The following AK2 variants were observed in gnomAD, a reference collection of about 807,000 sequenced individuals.
AK2 encodes adenylate kinase 2, mitochondrial.
In AK2, 15 loss-of-function variants were observed where a neutral mutation model predicts 24.6. That is an observed-to-expected ratio of 0.61 (90% confidence interval 0.41 to 0.94). AK2 has a LOEUF of 0.94. Among genes scored for constraint, AK2 ranks in the 40% least tolerant of loss-of-function variants. The pLI, the probability that AK2 is intolerant of heterozygous loss-of-function variation, is 0.00. For synonymous variants in AK2, 102 were observed against 114.0 expected (o/e 0.90, Z 0.67); for missense variants, 257 against 304.1 (o/e 0.85, Z 1.15).
Position 33,009,627 on chromosome 1 carries a change from G to A in AK2, c.*3554C>T. The A allele has an allele frequency of 2.2e-6, 1 of 454,126 alleles. No homozygotes were observed. Among genetic ancestry groups the A allele is most frequent in the Non-Finnish European group, 4.4e-6 (1 of 226,794 alleles). 28.1% of individuals were successfully genotyped at this position (454,126 alleles called of 1,614,324 possible). ...TAACCAACTTCCTTTTTCAGCTGAGGAAACAGGAGCACAGTGAATAACTAA... is the reference window on the plus strand; with the variant it reads ...TAACCAACTTCCTTTTTCAGCTGAGAAAACAGGAGCACAGTGAATAACTAA... On this transcript the variant is annotated 3_prime_UTR_variant, in exon 6 of 6. Coordinates refer to ENST00000672715, the MANE Select transcript of AK2 (RefSeq NM_001625.4).
intron 2 of AK2, chr1:33,024,225 G>T: frequency 1.6e-6 from 1 of 640,866 alleles, no homozygotes; most frequent in Non-Finnish European, 2.7e-6. Context: ...ACACCCTCTA[G>T]CACATGGTTG....
intron 1 of AK2, among the ~76,000 whole-genome samples, chr1:33,027,245 C>T (rs867865468): frequency 3.3e-5 from 5 of 152,230 alleles, no homozygotes; most frequent in Non-Finnish European, 4.4e-5. Flanking sequence ...CAATCTTTCT[C>T]ATTGCTGTTG....
In AK2 at chr1:33,010,540, C is replaced by G. The variant is rs1239125229; in HGVS notation, c.*2641G>C. 3 of 789,100 alleles carry G rather than the reference C, an allele frequency of 3.8e-6. No homozygotes were observed. Among genetic ancestry groups the G allele is most frequent in the Non-Finnish European group, 6.4e-6 (3 of 471,156 alleles). The allele number at this position is 789,100 out of a possible 1,614,324, so 48.9% of individuals were successfully genotyped here. On this transcript the variant is annotated 3_prime_UTR_variant, in exon 6 of 6. Transcript: ENST00000672715. ...TCACCAGTCCAGAGTAAATGAAAAC[C>G]CGATTCCTTAGAAATAATATTGTGT... is the stretch of plus-strand genomic sequence containing the variant.
chr1:33,012,046 C>A lies in AK2; in HGVS notation c.*1135G>T. The A allele has an allele frequency of 6.5e-7, 1 of 1,535,330 alleles. No individual in the cohort carries two copies. Among genetic ancestry groups the A allele is most frequent in the Non-Finnish European group, 8.7e-7 (1 of 1,146,676 alleles). On this transcript the variant is annotated 3_prime_UTR_variant, in exon 6 of 6. Coordinates refer to ENST00000672715, the MANE Select transcript of AK2 (RefSeq NM_001625.4). ...GTTCACACTTGGAAACACAGGCAAA[C>A]ATTAAAAATAAAAGCAAATAAACCT...
At chr1:33,023,972 A>C (rs1448306687) in intron 2 of AK2, 4 of 199,138 alleles carry the variant, frequency 2.0e-5, no homozygotes, top group Non-Finnish European at 4.2e-5. Flanking sequence ...GGAGTTTGAG[A>C]CCAGCCTGGC....
At position 33,024,423 on chromosome 1, in the gene AK2, T is replaced by C. The variant is rs148975919; in HGVS notation, c.219+19A>G. 7,013 of 1,613,336 alleles carry C rather than the reference T, an allele frequency of 4.3e-3. 22 individuals are homozygous for C. The highest frequency in any genetic ancestry group is 5.5e-3 in the Non-Finnish European group (6,456 of 1,179,934). ...AGATTCTGAGGAATATCAACACTCA[T>C]TGGTACCACCAAACCTACCAGTTTC... On this transcript the variant is annotated intron_variant, in intron 2 of 5. Transcript: ENST00000672715.
At position 33,008,490 on chromosome 1, in the gene AK2, G is replaced by C. The variant is rs1174507841; in HGVS notation, c.*4691C>G. 4.4e-6 allele frequency: 2 copies of C among 454,062 alleles called. No individual in the cohort carries two copies. Among genetic ancestry groups the C allele is most frequent in the South Asian group, 3.1e-5 (2 of 64,480 alleles). The allele number at this position is 454,062 out of a possible 1,614,324, so 28.1% of individuals were successfully genotyped here. On this transcript the variant is annotated 3_prime_UTR_variant, in exon 6 of 6. Coordinates refer to ENST00000672715, the MANE Select transcript of AK2 (RefSeq NM_001625.4). The stretch of plus-strand genomic sequence containing the variant: ...AGTGACTTCTTCAAAATCAGTTCCG[G>C]CAGCGCTGAGTGTCCATGGAAAAGA...
At position 33,021,390 on chromosome 1, in the gene AK2, CAG is replaced by C. The variant is rs1491481612; in HGVS notation, c.400_401del (p.Leu134AlafsTer32). On this transcript the variant is annotated frameshift_variant, in exon 4 of 6. Coordinates refer to ENST00000672715, the MANE Select transcript of AK2 (RefSeq NM_001625.4). LOFTEE classifies it high-confidence loss of function. ...ACCTTCCTGTGATTCTTCGGATCAG[CAG>C]AGAGTCTGGGATGCTGAATTCAATC... ...SVIEFSIPDS[L>X]LIRRITGRLI... 1.1e-5 allele frequency: 17 copies of C among 1,613,894 alleles called. No individual in the cohort carries two copies. Among genetic ancestry groups the C allele is most frequent in the African/African-American group, 2.7e-5 (2 of 74,912 alleles).
chr1:33,008,452 C>T lies in AK2; in HGVS notation c.*4729G>A, dbSNP rs1188766513. 2 of 453,924 alleles carry T rather than the reference C, an allele frequency of 4.4e-6. No homozygotes were observed. The highest frequency in any genetic ancestry group is 2.0e-5 in the African/African-American group (1 of 49,970). The allele number at this position is 453,924 out of a possible 1,614,324, so 28.1% of individuals were successfully genotyped here. On this transcript the variant is annotated 3_prime_UTR_variant, in exon 6 of 6. Coordinates refer to ENST00000672715, the MANE Select transcript of AK2 (RefSeq NM_001625.4). The stretch of plus-strand genomic sequence containing the variant: ...AGATCCTAAGACACATACCCTAGGC[C>T]CTCAGAGCCGGCAGTGACTTCTTCA...
chr1:33,015,114 C>T (rs966330432), intron 4 of AK2, among the ~76,000 whole-genome samples: 7 of 152,158 alleles, frequency 4.6e-5, no homozygotes, highest in Non-Finnish European at 1.0e-4. Flanking sequence ...ACTCTATTTT[C>T]TAACCTAGTT....
intron 2 of AK2, 95 bp from the exon 3 acceptor site, chr1:33,021,798 C>A: frequency 2.1e-6 from 2 of 932,396 alleles, no homozygotes; most frequent in Middle Eastern, 2.1e-4. Context: ...GTGTATATAA[C>A]CTTATTACTA....
Position 33,036,786 on chromosome 1 carries a change from C to T in AK2, c.43G>A (p.Gly15Ser), listed in dbSNP as rs1374529054. 1.9e-6 allele frequency: 3 copies of T among 1,600,174 alleles called. No individual in the cohort carries two copies. The highest frequency in any genetic ancestry group is 1.1e-5 in the South Asian group (1 of 88,790). ...GGCCCCAGCAGCACGGCCCGGATGC[C>T]TTTAGGATACTCGGGTTCTGCCGCT... ...VPAAEPEYPK[G>S]IRAVLLGPPG... is the part of the protein sequence containing the mutation. The change falls in exon 1 of 6, where the codon GGC becomes AGC. Residue 15 changes from glycine (G) to serine (S), a missense_variant. By Grantham distance (56) the Gly-to-Ser change is moderately conservative. Coordinates refer to ENST00000672715, the MANE Select transcript of AK2 (RefSeq NM_001625.4).
chr1:33,013,494 G>A (rs1638983379), intron 5 of AK2, 92 bp from the exon 6 acceptor site: 9 of 1,546,992 alleles, frequency 5.8e-6, no homozygotes, highest in South Asian at 1.2e-5. Flanking sequence ...GGACCATTCT[G>A]CCCAGGATGC....
At chr1:33,026,449 T>C (rs1007742916) in intron 1 of AK2, among the ~76,000 whole-genome samples, 2 of 152,268 alleles carry the variant, frequency 1.3e-5, no homozygotes, top group Non-Finnish European at 2.9e-5. Flanking sequence ...TTGTGATTCA[T>C]GGACCAATTC....
chr1:33,036,377 G>A (rs1330963156), intron 1 of AK2, among the ~76,000 whole-genome samples: 1 of 152,066 alleles, frequency 6.6e-6, no homozygotes, highest in East Asian at 1.9e-4. Flanking sequence ...AGGTAACCTG[G>A]GCCATAAAGC....
Position 33,034,449 on chromosome 1 carries a change from TACACACACACAC to T in AK2, c.93+2275_93+2286del, listed in dbSNP as rs71833811. On this transcript the variant is annotated intron_variant, in intron 1 of 5. Transcript: ENST00000672715. ...TGTCATCTAGGTTGTGGGTGCTTGA[TACACACACACAC>T]ACACACACACACACACACACACACA... Among the ~76,000 whole-genome samples the T allele has an allele frequency of 1.3e-3, 187 of 141,986 alleles. 2 individuals are homozygous for T. Among genetic ancestry groups the T allele is most frequent in the African/African-American group, 4.1e-3 (158 of 38,286 alleles). 93.1% of individuals were successfully genotyped at this position (141,986 alleles called of 152,430 possible).
chr1:33,033,686 ATAATTTGT>A (rs1640389942), intron 1 of AK2, among the ~76,000 whole-genome samples: 1 of 152,208 alleles, frequency 6.6e-6, no homozygotes, highest in East Asian at 1.9e-4. Flanking sequence ...GTGCTTTATA[ATAATTTGT>A]GAAGGGAGAA....
At chr1:33,020,913 G>A (rs377564518) in intron 4 of AK2, among the ~76,000 whole-genome samples, 7 of 151,204 alleles carry the variant, frequency 4.6e-5, no homozygotes, top group South Asian at 2.1e-4. Flanking sequence ...TTGGGAGGCC[G>A]AGGCAGGCGG....
rs1486348512 is a variant in AK2 at position 33,024,513 on chromosome 1, G to C, written c.148C>G (p.Leu50Val). The C allele has an allele frequency of 3.7e-6, 6 of 1,614,172 alleles. No individual in the cohort carries two copies. Among genetic ancestry groups the C allele is most frequent in the Admixed American group, 1.7e-5 (1 of 60,018 alleles). ...CVCHLATGDM[L>V]RAMVASGSEL... is the part of the protein sequence containing the mutation. ...GAGCCAGAAGCCACCATGGCCCTCA[G>C]CATGTCCCCAGTAGCTAAATGGCAG... Residue 50 changes from leucine (L) to valine (V), a missense_variant, in exon 2 of 6, where the codon CTG (leucine) becomes GTG (valine). By Grantham distance (32) the Leu-to-Val change is conservative. Coordinates refer to ENST00000672715, the MANE Select transcript of AK2 (RefSeq NM_001625.4).
Sources: gnomAD v4.1 joint callset for allele counts (sites outside exome capture counted in the v4.1 genomes callset) on GRCh38, gnomAD v4.1.1 for gene constraint, MANE v1.5 for transcripts, NCBI Gene and HGNC (gene_info 2026-07-23, HGNC 2026-07-21) for gene names.